Variants in CCDC68 observed in about 807,000 individuals in gnomAD.
CCDC68 encodes the protein coiled-coil domain-containing protein 68.
In CCDC68, 45 loss-of-function variants were observed where a neutral mutation model predicts 47.1. That is an observed-to-expected ratio of 0.96 (90% CI 0.75 to 1.23). CCDC68 has a LOEUF of 1.23. Among genes scored for constraint, CCDC68 ranks in the 50% most tolerant of loss-of-function variants. The pLI is 0.00. For missense variants in CCDC68, 353 were observed against 373.6 expected (o/e 0.94, Z 0.45); for synonymous variants, 131 against 129.5 (o/e 1.01, Z -0.08).
chr18:54,925,908 T>C (rs1439368363), intron 8 of CCDC68, among the ~76,000 whole-genome samples: 1 of 152,210 alleles, frequency 6.6e-6, no homozygotes, highest in African/African-American at 2.4e-5. Flanking sequence ...TAGCCCTGTT[T>C]GCATTTCAAC....
chr18:54,919,680 C>A (rs112094399), intron 8 of CCDC68, among the ~76,000 whole-genome samples: 2 of 152,160 alleles, frequency 1.3e-5, no homozygotes, highest in East Asian at 3.8e-4. Flanking sequence ...AGCACTTATA[C>A]GCTAAATTGC....
At chr18:54,935,947 T>G (rs1275289047) in intron 6 of CCDC68, among the ~76,000 whole-genome samples, 13 of 151,976 alleles carry the variant, frequency 8.6e-5, no homozygotes, top group Admixed American at 8.5e-4. Context: ...AGACAGATTT[T>G]ATTGGTCCTA....
intron 8 of CCDC68, among the ~76,000 whole-genome samples, chr18:54,920,349 C>A (rs1435166638): frequency 2.7e-5 from 4 of 150,750 alleles, no homozygotes; most frequent in Non-Finnish European, 5.9e-5. Context: ...ACCACCACTT[C>A]TGGGCTCAAG....
In CCDC68 at chr18:54,906,137, C is replaced by G. The variant is rs536364761; in HGVS notation, c.950+1649G>C. ...TGCACTTGAATCACCCCGAAACTATCCTCTCCACCCTGGTCCATGGAAAAA... is the reference window on the plus strand; with the variant it reads ...TGCACTTGAATCACCCCGAAACTATGCTCTCCACCCTGGTCCATGGAAAAA... On this transcript the variant is annotated intron_variant, in intron 11 of 11. Transcript: ENST00000591504. 5.9e-5 allele frequency among the ~76,000 whole-genome samples: 9 copies of G among 151,318 alleles called. No homozygotes were observed. In the East Asian group the frequency reaches 1.8e-3, roughly 30 times the overall value.
chr18:54,940,867 A>G, intron 4 of CCDC68, 130 bp downstream of exon 4: 1 of 635,458 alleles, frequency 1.6e-6, no homozygotes, highest in Non-Finnish European at 2.8e-6. Context: ...TATGGCCATT[A>G]ACGTCTTTAG....
Position 54,919,390 on chromosome 18 carries a change from G to C in CCDC68, c.684-14C>G. 2 of 1,583,902 alleles carry C rather than the reference G, an allele frequency of 1.3e-6. No individual in the cohort carries two copies. Among genetic ancestry groups the C allele is most frequent in the Non-Finnish European group, 1.7e-6 (2 of 1,152,722 alleles). On this transcript the variant is annotated splice_polypyrimidine_tract_variant and intron_variant, in intron 8 of 11. Transcript: ENST00000591504. ...AGATCCTGGCAACTGGGAATGCAAA[G>C]GGAAAAAGACCAAGAGAAAATGATT...
intron 1 of CCDC68, among the ~76,000 whole-genome samples, chr18:54,958,945 A>T (rs944536483): frequency 6.6e-6 from 1 of 152,230 alleles, no homozygotes; most frequent in African/African-American, 2.4e-5. Flanking sequence ...ACCACGCTGG[A>T]GTTCCTAGGT....
chr18:54,914,792 T>A (rs2043917531), intron 10 of CCDC68, among the ~76,000 whole-genome samples: 1 of 152,190 alleles, frequency 6.6e-6, no homozygotes. Context: ...GCATAATTGC[T>A]GAATAGTCGG....
intron 8 of CCDC68, among the ~76,000 whole-genome samples, chr18:54,926,320 G>A (rs2044144024): frequency 6.6e-6 from 1 of 152,190 alleles, no homozygotes; most frequent in South Asian, 2.1e-4. Flanking sequence ...AAGTAAACAT[G>A]TCCTTCTTCA....
In CCDC68 at chr18:54,937,979, T is replaced by C. The variant is rs145442697; in HGVS notation, c.323A>G (p.Glu108Gly). 9.9e-6 allele frequency: 16 copies of C among 1,611,810 alleles called. No homozygotes were observed. The highest frequency in any genetic ancestry group is 1.3e-5 in the African/African-American group (1 of 74,764). ...TACCTTGATTTTCAATACTTCATTC[T>C]CTTTGTTCATTTCTAAGAGCTGTAG... is the stretch of plus-strand genomic sequence containing the variant. ...KDLQLLEMNKENEVLKIKLQA... is the reference protein window; with the variant it reads ...KDLQLLEMNKGNEVLKIKLQA... The change falls in exon 5 of 12, where the codon GAG (glutamate) becomes GGG (glycine). Residue 108 changes from glutamate (E) to glycine (G), a missense_variant. Glu to Gly is a moderately conservative substitution (Grantham distance 98). Transcript: ENST00000591504.
At chr18:54,943,087 AATCTC>A (rs1344603156) in intron 2 of CCDC68, 3 of 245,002 alleles carry the variant, frequency 1.2e-5, no homozygotes, top group African/African-American at 7.0e-5. Context: ...TAAAATCTAA[AATCTC>A]AGACTGTAAA....
At chr18:54,913,642 T>C (rs1351805973) in intron 10 of CCDC68, among the ~76,000 whole-genome samples, 1 of 41,552 alleles carries the variant, frequency 2.4e-5, no homozygotes, top group Non-Finnish European at 8.7e-5. Flanking sequence ...TCTCTACAAT[T>C]TTTTTTTTTG....
chr18:54,953,376 C>A (rs9948053), intron 1 of CCDC68, among the ~76,000 whole-genome samples: 54,210 of 151,630 alleles, frequency 0.36, 10,042 homozygotes, highest in East Asian at 0.58. Context: ...AAAAGCAATG[C>A]ACAACTGAGA....
intron 7 of CCDC68, among the ~76,000 whole-genome samples, chr18:54,932,669 T>C (rs940272271): frequency 6.6e-6 from 1 of 152,114 alleles, no homozygotes; most frequent in Admixed American, 6.6e-5. Context: ...TTGTCCAAGA[T>C]CTCCTGGAGA....
rs1208907641 is a variant in CCDC68, at chr18:54,936,336, A to T, written c.471+497T>A. 2.7e-5 allele frequency among the ~76,000 whole-genome samples: 4 copies of T among 148,042 alleles called. No individual in the cohort carries two copies. In the East Asian group the frequency reaches 5.9e-4, roughly 22 times the overall value. ...AAATATATAACTTTATATATTATTTAAAAATATATAGATACATATTTTGTT... is the reference window on the plus strand; with the variant it reads ...AAATATATAACTTTATATATTATTTTAAAATATATAGATACATATTTTGTT... On this transcript the variant is annotated intron_variant, in intron 6 of 11. Coordinates refer to ENST00000591504, the MANE Select transcript of CCDC68 (RefSeq NM_025214.3).
intron 10 of CCDC68, among the ~76,000 whole-genome samples, chr18:54,914,072 G>A (rs140487755): frequency 3.5e-4 from 53 of 152,126 alleles, no homozygotes; most frequent in Non-Finnish European, 6.5e-4. Context: ...ATGAAATCAG[G>A]GACAATCTGT....
At chr18:54,918,767 A>G (rs2044000687) in intron 9 of CCDC68, among the ~76,000 whole-genome samples, 1 of 152,220 alleles carries the variant, frequency 6.6e-6, no homozygotes, top group South Asian at 2.1e-4. Context: ...AGATCAATGC[A>G]TATCTTGAAG....
chr18:54,957,138 T>G (rs1170939850), intron 1 of CCDC68, among the ~76,000 whole-genome samples: 2 of 152,236 alleles, frequency 1.3e-5, no homozygotes, highest in East Asian at 3.8e-4. Flanking sequence ...AGTTTTTATT[T>G]AATTTGCATG....
chr18:54,949,354 T>C (rs1044254089), intron 1 of CCDC68, among the ~76,000 whole-genome samples: 2 of 152,240 alleles, frequency 1.3e-5, no homozygotes, highest in African/African-American at 4.8e-5. Flanking sequence ...TTTTCTTTTC[T>C]TTTAATGTTG....
Sources: allele counts gnomAD v4.1 joint callset (sites outside exome capture counted in the v4.1 genomes callset), GRCh38; gene constraint gnomAD v4.1.1; transcripts MANE v1.5; gene names NCBI Gene and HGNC (gene_info 2026-07-23, HGNC 2026-07-21).